Variants in SYNGR3 observed in about 807,000 individuals in gnomAD.
SYNGR3 encodes the protein synaptogyrin 3.
Under a neutral mutation model 18.5 loss-of-function variants are expected in SYNGR3, and 10 were observed. That is an observed-to-expected ratio of 0.54 (90% CI 0.33 to 0.92). The LOEUF is 0.92. Among genes scored for constraint, SYNGR3 ranks in the 40% least tolerant of loss-of-function variants. The pLI is 0.02. For synonymous variants in SYNGR3, 188 were observed against 157.2 expected, an observed-to-expected ratio of 1.20 and a Z score of -1.47; for missense variants, 335 against 332.8, an observed-to-expected ratio of 1.01 and a Z score of -0.05.
intron 2 of SYNGR3, 144 bp from the exon 3 acceptor site, chr16:1,992,492 G>A (rs2083609397): frequency 2.6e-6 from 3 of 1,175,228 alleles, no homozygotes; most frequent in Admixed American, 3.6e-5. Flanking sequence ...GGTCAGCGCA[G>A]GAGAGGGAGG....
chr16:1,992,406 G>T, intron 2 of SYNGR3, 195 bp downstream of exon 2: 3 of 739,998 alleles, frequency 4.1e-6, no homozygotes, highest in Non-Finnish European at 5.9e-6. Context: ...AGCGCCGCGG[G>T]ACTTTCTAGG....
At position 1,992,183 on chromosome 16, in the gene SYNGR3, C is replaced by G; in HGVS notation, c.309C>G (p.Arg103=). The change falls in exon 2 of 4, where the codon CGC becomes CGG. Residue 103 remains arginine (R), a synonymous_variant. Coordinates refer to ENST00000248121, the MANE Select transcript of SYNGR3 (RefSeq NM_004209.6). ...TCAGCAGCGTCCGCGACCGCCGGCGCGCGGTGTTGCTGGACCTGGGCTTCT... is the reference window on the plus strand; with the variant it reads ...TCAGCAGCGTCCGCGACCGCCGGCGGGCGGTGTTGCTGGACCTGGGCTTCT... ...QQISSVRDRR[R]AVLLDLGFSG... 2 of 1,333,026 alleles carry G rather than the reference C, an allele frequency of 1.5e-6. No individual in the cohort carries two copies. Among genetic ancestry groups the G allele is most frequent in the Non-Finnish European group, 1.9e-6 (2 of 1,029,074 alleles). 82.6% of individuals were successfully genotyped at this position (1,333,026 alleles called of 1,614,324 possible).
At chr16:1,990,460 T>A in intron 1 of SYNGR3, 1 of 523,444 alleles carries the variant, frequency 1.9e-6, no homozygotes, top group African/African-American at 2.0e-5. Context: ...CCTCTACCCC[T>A]ACCTCCTCCC....
intron 1 of SYNGR3, 93 bp downstream of exon 1, chr16:1,990,294 C>CCCCCCCCCCT: frequency 1.9e-6 from 1 of 518,586 alleles, no homozygotes; most frequent in Non-Finnish European, 2.9e-6. Flanking sequence ...CTGCCCCCTG[C>CCCCCCCCCCT]TTCTCGCCCC....
rs914034676 is a variant in SYNGR3 at position 1,993,878 on chromosome 16, A to G, written c.*806A>G. 8 of 318,450 alleles carry G rather than the reference A, an allele frequency of 2.5e-5. No homozygotes were observed. Among genetic ancestry groups the G allele is most frequent in the Non-Finnish European group, 5.0e-5 (8 of 160,060 alleles). The allele number at this position is 318,450 out of a possible 1,614,324, so 19.7% of individuals were successfully genotyped here. ...CTCCAGCTGGCCACCGTGCCCCACA[A>G]GATGGCCCCTGTGTGGTTCCCTTTA... is the stretch of plus-strand genomic sequence containing the variant. On this transcript the variant is annotated 3_prime_UTR_variant, in exon 4 of 4. Transcript: ENST00000248121.
chr16:1,992,694 C>T lies in SYNGR3; in HGVS notation c.396C>T (p.Arg132=). Residue 132 remains arginine, a synonymous_variant, in exon 3 of 4, where the codon CGC becomes CGT. Transcript: ENST00000248121. ...GFCFLTNQWQ[R]TAPGPATTQA... is the part of the protein sequence containing the mutation. The stretch of plus-strand genomic sequence containing the variant: ...GCTTCCTCACCAATCAGTGGCAGCG[C>T]ACGGCGCCAGGGCCGGCCACGACGC... 6.2e-7 allele frequency: 1 copy of T among 1,604,854 alleles called. No individual in the cohort carries two copies. Among genetic ancestry groups the T allele is most frequent in the African/African-American group, 1.4e-5 (1 of 73,850 alleles).
chr16:1,992,588 G>C (rs2083610218), intron 2 of SYNGR3, 48 bp from the exon 3 acceptor site: 1 of 1,567,626 alleles, frequency 6.4e-7, no homozygotes. Context: ...CGAGGCCGCC[G>C]TGGGCCACCG....
At chr16:1,992,271 G>A (rs1466466168) in intron 2 of SYNGR3, 60 bp downstream of exon 2, 4 of 613,930 alleles carry the variant, frequency 6.5e-6, no homozygotes, top group African/African-American at 6.1e-5. Flanking sequence ...GAGGGGGCGG[G>A]GCCTGGGCGG....
rs199553143 is a variant in SYNGR3 at position 1,990,141 on chromosome 16, C to T, written c.39C>T (p.Ala13=). 12 of 1,230,168 alleles carry T rather than the reference C, an allele frequency of 9.8e-6. No individual in the cohort carries two copies. The East Asian group carries it at 3.2e-4, about 33-fold the overall frequency. The allele number at this position is 1,230,168 out of a possible 1,614,324, so 76.2% of individuals were successfully genotyped here. Residue 13 remains alanine (A), a synonymous_variant, in exon 1 of 4, where the codon GCC becomes GCT. Transcript: ENST00000248121. ...GASFGAGRAG[A]ALDPVSFARR... ...CCTTCGGCGCGGGCCGCGCAGGGGC[C>T]GCCCTGGACCCCGTGAGCTTTGCGC...
intron 1 of SYNGR3, chr16:1,991,735 AG>A: frequency 2.0e-6 from 1 of 498,736 alleles, no homozygotes; most frequent in Non-Finnish European, 3.5e-6. Flanking sequence ...GGATTTGGTG[AG>A]GGGACGCATG....
Position 1,989,977 on chromosome 16 carries a change from C to T in SYNGR3, c.-126C>T, listed in dbSNP as rs2083593025. The T allele has an allele frequency of 3.8e-6, 1 of 262,628 alleles. No individual in the cohort carries two copies. Among genetic ancestry groups the T allele is most frequent in the Non-Finnish European group, 6.5e-6 (1 of 153,446 alleles). 16.3% of individuals were successfully genotyped at this position (262,628 alleles called of 1,614,324 possible). Reference sequence around the variant, plus strand: ...GCCGGCGCGCGCTCCCGGGAGGCGGCAGCGGCTGCAGCGTTGGTAGCATCA... The same window carrying T: ...GCCGGCGCGCGCTCCCGGGAGGCGGTAGCGGCTGCAGCGTTGGTAGCATCA... On this transcript the variant is annotated 5_prime_UTR_variant, in exon 1 of 4. Coordinates refer to ENST00000248121, the MANE Select transcript of SYNGR3 (RefSeq NM_004209.6).
chr16:1,992,066 C>T lies in SYNGR3; in HGVS notation c.192C>T (p.Asn64=). 6.4e-7 allele frequency: 1 copy of T among 1,570,136 alleles called. No homozygotes were observed. The highest frequency in any genetic ancestry group is 8.6e-7 in the Non-Finnish European group (1 of 1,159,930). Residue 64 remains asparagine, a synonymous_variant, in exon 2 of 4, where the codon AAC becomes AAT. Coordinates refer to ENST00000248121, the MANE Select transcript of SYNGR3 (RefSeq NM_004209.6). ...GPELRCVFNG[N]AGACRFGVAL... Reference sequence around the variant, plus strand: ...AGCTGCGCTGCGTGTTCAACGGGAACGCGGGCGCCTGCCGCTTCGGCGTCG... The same window carrying T: ...AGCTGCGCTGCGTGTTCAACGGGAATGCGGGCGCCTGCCGCTTCGGCGTCG...
In SYNGR3 at chr16:1,992,737, C is replaced by T; in HGVS notation, c.439C>T (p.Arg147Trp). 6.3e-7 allele frequency: 1 copy of T among 1,584,622 alleles called. No individual in the cohort carries two copies. The highest frequency in any genetic ancestry group is 8.5e-7 in the Non-Finnish European group (1 of 1,169,694). Residue 147 changes from arginine (R) to tryptophan (W), a missense_variant, in exon 3 of 4, where the codon CGG becomes TGG. By Grantham distance (101) the Arg-to-Trp change is moderately radical. Coordinates refer to ENST00000248121, the MANE Select transcript of SYNGR3 (RefSeq NM_004209.6). The stretch of plus-strand genomic sequence containing the variant: ...CACGACGCAGGCGGGGGACGCGGCG[C>T]GGGCCGCCATCGCCTTCAGCTTCTT... ...PATTQAGDAA[R>W]AAIAFSFFSI...
In SYNGR3 at chr16:1,993,101, A is replaced by T. The variant is rs757501061; in HGVS notation, c.*29A>T. ...CTGGCAGGCACAGACCAGGGCTCCA[A>T]GGCCACCCCACCAACGCAGGCCCCA... On this transcript the variant is annotated 3_prime_UTR_variant, in exon 4 of 4. Transcript: ENST00000248121. The T allele has an allele frequency of 6.3e-7, 1 of 1,589,492 alleles. No individual in the cohort carries two copies. Among genetic ancestry groups the T allele is most frequent in the Non-Finnish European group, 8.5e-7 (1 of 1,169,674 alleles).
At position 1,994,177 on chromosome 16, in the gene SYNGR3, C is replaced by G. The variant is rs1439397242; in HGVS notation, c.*1105C>G. 1.3e-5 allele frequency: 2 copies of G among 154,086 alleles called. No individual in the cohort carries two copies. Among genetic ancestry groups the G allele is most frequent in the Non-Finnish European group, 2.9e-5 (2 of 68,924 alleles). 9.5% of individuals were successfully genotyped at this position (154,086 alleles called of 1,614,324 possible). A position where few individuals can be genotyped will look rare whatever the true frequency, so the allele number is the denominator to read the frequency against. On this transcript the variant is annotated 3_prime_UTR_variant, in exon 4 of 4. Coordinates refer to ENST00000248121, the MANE Select transcript of SYNGR3 (RefSeq NM_004209.6). Reference sequence around the variant, plus strand: ...GTTTACAATTTTTGTATATATCACTCTCTCCCTCTCCTGAAAGACCAGAGA... The same window carrying G: ...GTTTACAATTTTTGTATATATCACTGTCTCCCTCTCCTGAAAGACCAGAGA...
At chr16:1,992,502 G>A (rs574504227) in intron 2 of SYNGR3, 134 bp from the exon 3 acceptor site, 3 of 1,237,258 alleles carry the variant, frequency 2.4e-6, no homozygotes, top group South Asian at 1.7e-5. Flanking sequence ...GGAGAGGGAG[G>A]CGGGACCTCG....
chr16:1,990,005 A>G lies in SYNGR3; in HGVS notation c.-98A>G, dbSNP rs865862417. On this transcript the variant is annotated 5_prime_UTR_variant, in exon 1 of 4. Transcript: ENST00000248121. ...CGGCTGCAGCGTTGGTAGCATCAGC[A>G]TCAGCATCAGCGGCAGCGGCAGCGG... 4.4e-4 allele frequency: 159 copies of G among 364,700 alleles called. 2 individuals carry two copies. Among genetic ancestry groups the G allele is most frequent in the African/African-American group, 3.0e-3 (138 of 45,828 alleles). 22.6% of individuals were successfully genotyped at this position (364,700 alleles called of 1,614,324 possible).
chr16:1,993,047 A>C lies in SYNGR3; in HGVS notation c.665A>C (p.Lys222Thr), dbSNP rs976835755. The C allele has an allele frequency of 6.2e-7, 1 of 1,611,464 alleles. No individual in the cohort carries two copies. Among genetic ancestry groups the C allele is most frequent in the Non-Finnish European group, 8.5e-7 (1 of 1,179,542 alleles). Residue 222 changes from lysine to threonine, a missense_variant, in exon 4 of 4, where the codon AAA (lysine) becomes ACA (threonine). By Grantham distance (78) the Lys-to-Thr change is moderately conservative (BLOSUM62 -1). Coordinates refer to ENST00000248121, the MANE Select transcript of SYNGR3 (RefSeq NM_004209.6). ...ACCGAGACCCTGGACACCAGCCCCA[A>C]AGGGTACCAGGTGCCCGCCTACTAG... ...PFTETLDTSP[K>T]GYQVPAY is the part of the protein sequence containing the mutation.
chr16:1,991,795 A>G, intron 1 of SYNGR3, 179 bp from the exon 2 acceptor site: 2 of 577,882 alleles, frequency 3.5e-6, no homozygotes, highest in Non-Finnish European at 3.0e-6. Flanking sequence ...TGCTCACTAA[A>G]CGGCCCGTGT....
Sources: allele counts gnomAD v4.1 joint callset, GRCh38; gene constraint gnomAD v4.1.1; transcripts MANE v1.5; gene names NCBI Gene and HGNC (gene_info 2026-07-23, HGNC 2026-07-21).